MNAT1: variants seen among roughly 807,000 people sequenced by gnomAD.
MNAT1 encodes the protein CDK-activating kinase assembly factor MAT1.
MNAT1 carries 43 observed loss-of-function variants against 42.0 expected under a neutral mutation model. That is an observed-to-expected ratio of 1.02 (90% confidence interval 0.80 to 1.32). MNAT1 has a LOEUF of 1.32. Ranked by LOEUF, MNAT1 falls within the 40% of genes most tolerant of loss-of-function variation. MNAT1 has a pLI of 0.00. For synonymous variants in MNAT1, 118 were observed against 120.0 expected, an observed-to-expected ratio of 0.98 and a Z score of 0.11; for missense variants, 306 against 350.4, an observed-to-expected ratio of 0.87 and a Z score of 1.01.
intron 7 of MNAT1, chr14:60,920,176 C>G (rs896162859): frequency 1.3e-5 from 2 of 152,070 alleles, no homozygotes; most frequent in African/African-American, 2.4e-5. Flanking sequence ...ATCCACAGCA[C>G]TGTGGGACCA....
At chr14:60,923,543 C>G (rs1379560206) in intron 7 of MNAT1, among the ~76,000 whole-genome samples, 1 of 152,128 alleles carries the variant, frequency 6.6e-6, no homozygotes, top group Non-Finnish European at 1.5e-5. Flanking sequence ...GCATCATTTA[C>G]AGTATTTCAT....
chr14:60,941,839 C>T (rs2036168386), intron 7 of MNAT1, among the ~76,000 whole-genome samples: 1 of 151,036 alleles, frequency 6.6e-6, no homozygotes. Flanking sequence ...CCCGTCTCTA[C>T]TAAAAATACA....
At chr14:60,911,602 T>C (rs1464829227) in intron 7 of MNAT1, among the ~76,000 whole-genome samples, 1 of 152,202 alleles carries the variant, frequency 6.6e-6, no homozygotes, top group Admixed American at 6.5e-5. Context: ...CAGGAGCAGG[T>C]TGTTCAGTTT....
chr14:60,823,393 GTAA>G (rs1302117150), intron 6 of MNAT1, among the ~76,000 whole-genome samples: 4 of 152,090 alleles, frequency 2.6e-5, no homozygotes, highest in Admixed American at 6.5e-5. Flanking sequence ...GAGTTTGTTT[GTAA>G]TAATGTTTAA....
chr14:60,744,298 A>C (rs1896553306), intron 1 of MNAT1, among the ~76,000 whole-genome samples: 1 of 152,022 alleles, frequency 6.6e-6, no homozygotes, highest in African/African-American at 2.4e-5. Context: ...TGCCTGGCTA[A>C]TTTTTGTATT....
Position 60,865,218 on chromosome 14 carries a change from A to G in MNAT1, c.688-14496A>G, listed in dbSNP as rs187303300. Among the ~76,000 whole-genome samples, 399 of 152,154 alleles carry G rather than the reference A, an allele frequency of 2.6e-3. 1 individual carries two copies. Among genetic ancestry groups the G allele is most frequent in the African/African-American group, 9.2e-3 (384 of 41,564 alleles). ...ATATTTCTGCTTTAGAAGACTACTA[A>G]TCTTACATGGTATTTTTGTTTTGCT... is the stretch of plus-strand genomic sequence containing the variant. On this transcript the variant is annotated intron_variant, in intron 6 of 7. Coordinates refer to ENST00000261245, the MANE Select transcript of MNAT1 (RefSeq NM_002431.4).
At chr14:60,942,621 C>T (rs891754313) in intron 7 of MNAT1, among the ~76,000 whole-genome samples, 2 of 151,898 alleles carry the variant, frequency 1.3e-5, no homozygotes, top group Non-Finnish European at 2.9e-5. Context: ...TCTGATTTAG[C>T]GCCCTTCTTT....
chr14:60,926,011 T>C (rs533913956), intron 7 of MNAT1, among the ~76,000 whole-genome samples: 4 of 152,300 alleles, frequency 2.6e-5, no homozygotes, highest in African/African-American at 9.6e-5. Flanking sequence ...GGAGATCTTT[T>C]GATGGAAATT....
At chr14:60,803,995 T>C (rs902573702) in intron 3 of MNAT1, among the ~76,000 whole-genome samples, 4 of 152,206 alleles carry the variant, frequency 2.6e-5, no homozygotes, top group Non-Finnish European at 5.9e-5. Flanking sequence ...GGTTTATTCT[T>C]AGTTTCATAA....
rs775160517 is a variant in MNAT1 at position 60,968,324 on chromosome 14, G to A, written c.905G>A (p.Ser302Asn). 6.2e-7 allele frequency: 1 copy of A among 1,612,724 alleles called. No individual in the cohort carries two copies. The highest frequency in any genetic ancestry group is 1.7e-5 in the Admixed American group (1 of 59,452). The change falls in exon 8 of 8, where the codon AGT becomes AAT. Residue 302 changes from serine (S) to asparagine (N), a missense_variant. Around this residue, in one of 3 missense-constraint regions of MNAT1, gnomAD observed 116 missense variants for 139.6 expected, o/e 0.83. Transcript: ENST00000261245. ...CACAGAGCACTACAGGATGCATTCAGTGGGCTTTTCTGGCAGCCCAGTTAA... is the reference window on the plus strand; with the variant it reads ...CACAGAGCACTACAGGATGCATTCAATGGGCTTTTCTGGCAGCCCAGTTAA... ...ACHRALQDAF[S>N]GLFWQPS
chr14:60,832,688 G>A (rs1348253348), intron 6 of MNAT1, among the ~76,000 whole-genome samples: 1 of 151,810 alleles, frequency 6.6e-6, no homozygotes, highest in Non-Finnish European at 1.5e-5. Context: ...CATATGAAAT[G>A]TAAGTAGTTT....
chr14:60,783,963 G>A (rs1269801789), intron 1 of MNAT1, among the ~76,000 whole-genome samples: 1 of 151,954 alleles, frequency 6.6e-6, no homozygotes, highest in African/African-American at 2.4e-5. Context: ...CCAAGTAGCT[G>A]GGACTACAGG....
chr14:60,901,984 A>G (rs2035081704), intron 7 of MNAT1, among the ~76,000 whole-genome samples: 2 of 152,224 alleles, frequency 1.3e-5, no homozygotes, highest in Admixed American at 6.5e-5. Context: ...TTCTGCTGTA[A>G]GTAAAATGCT....
intron 1 of MNAT1, among the ~76,000 whole-genome samples, chr14:60,756,176 A>C: frequency 6.6e-6 from 1 of 152,252 alleles, no homozygotes. Flanking sequence ...ACTTACATAT[A>C]GCACAATGTG....
rs367877989 is a variant in MNAT1 at position 60,734,989 on chromosome 14, G to A, written c.89+38G>A. 170 of 1,595,260 alleles carry A rather than the reference G, an allele frequency of 1.1e-4. No individual in the cohort carries two copies. In the African/African-American group the frequency reaches 2.0e-3, roughly 18 times the overall value. Reference sequence around the variant, plus strand: ...GCAGTGGATTCCCTGGGGGAGAGACGCGCTGGGTGGGAGGAGAGGACCGGG... The same window carrying A: ...GCAGTGGATTCCCTGGGGGAGAGACACGCTGGGTGGGAGGAGAGGACCGGG... On this transcript the variant is annotated intron_variant, in intron 1 of 7. Transcript: ENST00000261245. This position sits in a 1 kb window ranked among gnomAD's most constrained non-coding sequence, Gnocchi z 4.3.
chr14:60,843,788 A>G (rs1268055788), intron 6 of MNAT1, among the ~76,000 whole-genome samples: 2 of 152,168 alleles, frequency 1.3e-5, no homozygotes, highest in African/African-American at 2.4e-5. Context: ...AACTGAAGTT[A>G]TAAATTTTGA....
intron 7 of MNAT1, among the ~76,000 whole-genome samples, chr14:60,940,550 T>G (rs1430660980): frequency 2.6e-5 from 4 of 152,188 alleles, no homozygotes; most frequent in Non-Finnish European, 1.5e-5. Context: ...CCCGAGTAGC[T>G]GGGACTACAG....
In MNAT1 at chr14:60,870,562, C is replaced by T. The variant is rs1381443479; in HGVS notation, c.688-9152C>T. Among the ~76,000 whole-genome samples the T allele has an allele frequency of 2.0e-5, 3 of 152,210 alleles. No individual in the cohort carries two copies. In the East Asian group the frequency reaches 5.8e-4, roughly 29 times the overall value. On this transcript the variant is annotated intron_variant, in intron 6 of 7. Coordinates refer to ENST00000261245, the MANE Select transcript of MNAT1 (RefSeq NM_002431.4). ...CTCACTCTTTATATATTCCCCCACA[C>T]CCATTTCTTATTCTTGTGACCTTGC... is the stretch of plus-strand genomic sequence containing the variant.
chr14:60,874,709 A>T (rs1412138171), intron 6 of MNAT1, among the ~76,000 whole-genome samples: 1 of 152,058 alleles, frequency 6.6e-6, no homozygotes, highest in Admixed American at 6.6e-5. Context: ...GAGTTCTTTA[A>T]TTTGAATCCT....
Sources: gnomAD v4.1 joint callset for allele counts (sites outside exome capture counted in the v4.1 genomes callset) on GRCh38, gnomAD v4.1.1 for gene constraint, gnomAD v4.1.1 regional missense constraint, Gnocchi (gnomAD v3.1) non-coding constraint, MANE v1.5 for transcripts, NCBI Gene and HGNC (gene_info 2026-07-23, HGNC 2026-07-21) for gene names.